ALDH9A1: variants seen among roughly 807,000 people sequenced by gnomAD.
The protein encoded by ALDH9A1 is 4-trimethylaminobutyraldehyde dehydrogenase.
A neutral mutation model predicts 56.6 loss-of-function variants in ALDH9A1; 42 were observed. The ratio of observed to expected loss-of-function variants is 0.74; its 90% confidence interval spans 0.58 to 0.96. The LOEUF is 0.96. ALDH9A1 is among the 40% of genes least tolerant of loss of function. ALDH9A1 has a pLI of 0.00. For missense variants in ALDH9A1, 661 were observed against 651.5 expected (o/e 1.01, Z -0.16); for synonymous variants, 242 against 236.0 (o/e 1.03, Z -0.23).
At chr1:165,664,237 C>T (rs1648936054) in intron 10 of ALDH9A1, among the ~76,000 whole-genome samples, 2 of 152,200 alleles carry the variant, frequency 1.3e-5, no homozygotes, top group South Asian at 4.2e-4. Flanking sequence ...ATATTTGCCA[C>T]AGAAACTAGA....
intron 9 of ALDH9A1, 72 bp from the exon 10 acceptor site, chr1:165,665,202 C>T: frequency 1.7e-6 from 2 of 1,169,074 alleles, no homozygotes; most frequent in Non-Finnish European, 2.5e-6. Context: ...AAAAGTTACA[C>T]TGCCAGTTCT....
chr1:165,692,970 T>A (rs1372378993), intron 2 of ALDH9A1, among the ~76,000 whole-genome samples: 1 of 151,908 alleles, frequency 6.6e-6, no homozygotes, highest in East Asian at 1.9e-4. Context: ...GAGGAAAGGA[T>A]TCCCTATTTA....
chr1:165,693,166 A>G (rs1415503617), intron 2 of ALDH9A1, among the ~76,000 whole-genome samples: 1 of 152,252 alleles, frequency 6.6e-6, no homozygotes. Flanking sequence ...CAAGGACTTC[A>G]TGACTAAAAC....
At chr1:165,676,683 G>A in intron 6 of ALDH9A1, 1 of 422,824 alleles carries the variant, frequency 2.4e-6, no homozygotes, top group East Asian at 7.4e-5. Flanking sequence ...CCTGGTTTCA[G>A]CTGAAGCACC....
chr1:165,668,010 A>T (rs1649059428), intron 8 of ALDH9A1, among the ~76,000 whole-genome samples: 1 of 152,210 alleles, frequency 6.6e-6, no homozygotes, highest in Admixed American at 6.5e-5. Context: ...CACTGAGAAT[A>T]GTAGTTACCT....
Position 165,679,519 on chromosome 1 carries a change from G to C in ALDH9A1, c.853C>G (p.Leu285Val). Residue 285 changes from leucine to valine, a missense_variant, in exon 6 of 11, where the codon CTC becomes GTC. By Grantham distance (32) the Leu-to-Val change is conservative. Coordinates refer to ENST00000354775, the MANE Select transcript of ALDH9A1 (RefSeq NM_000696.4). ...VTLELGGKSPLIIFSDCDMNN... is the reference protein window; with the variant it reads ...VTLELGGKSPVIIFSDCDMNN... ...ATATCACAGTCTGAGAAGATGATGA[G>C]TGGAGATTTGCCTCCAAGTTCCAAG... is the stretch of plus-strand genomic sequence containing the variant. 1.2e-6 allele frequency: 2 copies of C among 1,614,148 alleles called. No individual in the cohort carries two copies. The highest frequency in any genetic ancestry group is 1.7e-6 in the Non-Finnish European group (2 of 1,180,004).
rs1446509122 is a variant in ALDH9A1, at chr1:165,662,376, A to G, written c.*674T>C. 6.6e-6 allele frequency: 1 copy of G among 152,366 alleles called. No homozygotes were observed. Among genetic ancestry groups the G allele is most frequent in the African/African-American group, 2.4e-5 (1 of 41,464 alleles). 9.4% of individuals were successfully genotyped at this position (152,366 alleles called of 1,614,324 possible). ...TCCTCTATCGCAGTAGTGAACAGAG[A>G]CAAAGTGCTTACTAGGCAAGTTCAC... On this transcript the variant is annotated 3_prime_UTR_variant, in exon 11 of 11. Coordinates refer to ENST00000354775, the MANE Select transcript of ALDH9A1 (RefSeq NM_000696.4).
intron 6 of ALDH9A1, among the ~76,000 whole-genome samples, chr1:165,675,263 CTA>C (rs1040290419): frequency 1.1e-3 from 160 of 151,002 alleles, no homozygotes; most frequent in East Asian, 4.1e-3. Context: ...CTCTCTCTCT[CTA>C]TATATATATA....
At chr1:165,666,650 A>C in intron 9 of ALDH9A1, among the ~76,000 whole-genome samples, 1 of 152,188 alleles carries the variant, frequency 6.6e-6, no homozygotes, top group South Asian at 2.1e-4. Flanking sequence ...GTTATAAAAA[A>C]AAAAATGTGA....
chr1:165,669,148 A>G (rs1460074302), intron 7 of ALDH9A1, 114 bp downstream of exon 7: 1 of 1,319,612 alleles, frequency 7.6e-7, no homozygotes, highest in Non-Finnish European at 1.1e-6. Flanking sequence ...CAGGGATGCT[A>G]ATAGTCCAAT....
At chr1:165,683,188 CT>C in intron 2 of ALDH9A1, 78 bp from the exon 3 acceptor site, 1 of 1,434,680 alleles carries the variant, frequency 7.0e-7, no homozygotes, top group East Asian at 2.3e-5. Context: ...ATAGAACACA[CT>C]GCTCAATTTT....
At position 165,665,700 on chromosome 1, in the gene ALDH9A1, A is replaced by G. The variant is rs977784016; in HGVS notation, c.1350-570T>C. 2.0e-5 allele frequency among the ~76,000 whole-genome samples: 3 copies of G among 152,352 alleles called. No individual in the cohort carries two copies. The South Asian group carries it at 6.2e-4, about 32-fold the overall frequency. ...ACCCACAGAAATGCAAATAAAAACC[A>G]CAATGAGATACTACTTCACACCCAC... On this transcript the variant is annotated intron_variant, in intron 9 of 10. Transcript: ENST00000354775.
At chr1:165,690,919 T>G (rs1298393719) in intron 2 of ALDH9A1, among the ~76,000 whole-genome samples, 1 of 152,206 alleles carries the variant, frequency 6.6e-6, no homozygotes, top group African/African-American at 2.4e-5. Context: ...CTCTGTAAAC[T>G]GCACCTCTGG....
Position 165,662,971 on chromosome 1 carries a change from A to C in ALDH9A1, c.*79T>G, listed in dbSNP as rs1648890016. On this transcript the variant is annotated 3_prime_UTR_variant, in exon 11 of 11. Coordinates refer to ENST00000354775, the MANE Select transcript of ALDH9A1 (RefSeq NM_000696.4). Reference sequence around the variant, plus strand: ...AAATTCTGGATGTAAAATAACATTCAGTTGTACTGCCTCTGTAAACAGGGC... The same window carrying C: ...AAATTCTGGATGTAAAATAACATTCCGTTGTACTGCCTCTGTAAACAGGGC... The C allele has an allele frequency of 3.2e-6, 4 of 1,243,720 alleles. No homozygotes were observed. In the East Asian group the frequency reaches 7.0e-5, roughly 22 times the overall value. The allele number at this position is 1,243,720 out of a possible 1,614,324, so 77.0% of individuals were successfully genotyped here.
chr1:165,685,096 G>T (rs926807227), intron 2 of ALDH9A1, among the ~76,000 whole-genome samples: 2 of 152,178 alleles, frequency 1.3e-5, no homozygotes, highest in Non-Finnish European at 2.9e-5. Flanking sequence ...TGCTACTATT[G>T]CAAGAGTAAC....
chr1:165,680,744 C>T, intron 4 of ALDH9A1, 61 bp from the exon 5 acceptor site: 1 of 1,463,914 alleles, frequency 6.8e-7, no homozygotes. Context: ...CCCCTGAAAA[C>T]AGGACTAGAG....
At chr1:165,692,995 G>A (rs1054374780) in intron 2 of ALDH9A1, among the ~76,000 whole-genome samples, 1 of 151,702 alleles carries the variant, frequency 6.6e-6, no homozygotes, top group South Asian at 2.1e-4. Context: ...ATGGTGCTGG[G>A]AAAACTGGCT....
chr1:165,664,073 T>C (rs1648929352), intron 10 of ALDH9A1, among the ~76,000 whole-genome samples: 1 of 152,230 alleles, frequency 6.6e-6, no homozygotes, highest in African/African-American at 2.4e-5. Flanking sequence ...TACATGTTAA[T>C]AAGATGGCAC....
chr1:165,668,627 T>C (rs1464998441), intron 8 of ALDH9A1: 2 of 227,372 alleles, frequency 8.8e-6, no homozygotes, highest in Non-Finnish European at 1.7e-5. Context: ...CTTTATTTTC[T>C]CAAGGAATTA....
Sources: gnomAD v4.1 joint callset for allele counts (sites outside exome capture counted in the v4.1 genomes callset) on GRCh38, gnomAD v4.1.1 for gene constraint, MANE v1.5 for transcripts, NCBI Gene and HGNC (gene_info 2026-07-23, HGNC 2026-07-21) for gene names.